Variants in SOX6 observed in about 807,000 individuals in gnomAD.
SOX6 encodes the protein transcription factor SOX-6.
In SOX6, 11 loss-of-function variants were observed where a neutral mutation model predicts 97.8. The ratio of observed to expected loss-of-function variants is 0.11; its 90% CI spans 0.07 to 0.19. The LOEUF (loss-of-function observed/expected upper bound fraction) is 0.19. Among genes scored for constraint, SOX6 ranks in the 10% least tolerant of loss-of-function variants. The pLI, the probability that SOX6 is intolerant of heterozygous loss-of-function variation, is 1.00. For synonymous variants in SOX6, 360 were observed against 371.4 expected (o/e 0.97, Z 0.35); for missense variants, 810 against 1,039.5 (o/e 0.78, Z 3.04).
intron 4 of SOX6, among the ~76,000 whole-genome samples, chr11:16,600,272 C>A (rs1012282808): frequency 6.6e-6 from 1 of 152,194 alleles, no homozygotes; most frequent in Non-Finnish European, 1.5e-5. Flanking sequence ...GCACAGAAAT[C>A]TTTATCTGAT....
intron 6 of SOX6, among the ~76,000 whole-genome samples, chr11:16,120,242 C>CCTCA (rs1564965030): frequency 7.0e-6 from 1 of 142,008 alleles, no homozygotes; most frequent in Non-Finnish European, 1.5e-5. Flanking sequence ...CTCACTCACT[C>CCTCA]CTCTCTCTCT....
At chr11:16,306,814 C>T (rs1457554231) in intron 3 of SOX6, among the ~76,000 whole-genome samples, 5 of 151,780 alleles carry the variant, frequency 3.3e-5, no homozygotes, top group South Asian at 2.1e-4. Flanking sequence ...TTAGTAGAGA[C>T]GGGGTTTCAC....
In SOX6 at chr11:15,976,358, C is replaced by T. The variant is rs187309639; in HGVS notation, c.2184-3246G>A. ...GGCTAATTATTATCACTGACATTGC[C>T]TCTCCTCGTCTATAAATTAGAACAT... On this transcript the variant is annotated intron_variant, in intron 15 of 15. Transcript: ENST00000683767. 2.6e-5 allele frequency among the ~76,000 whole-genome samples: 4 copies of T among 152,298 alleles called. No homozygotes were observed. The East Asian group carries it at 7.7e-4, about 29-fold the overall frequency.
At chr11:16,644,840 C>T (rs190463900) in intron 3 of SOX6, among the ~76,000 whole-genome samples, 30 of 152,220 alleles carry the variant, frequency 2.0e-4, no homozygotes, top group African/African-American at 6.7e-4. Flanking sequence ...GTCTATCAGC[C>T]CACAATATGC....
chr11:16,260,897 T>C (rs1452680774), intron 3 of SOX6, among the ~76,000 whole-genome samples: 1 of 152,150 alleles, frequency 6.6e-6, no homozygotes, highest in Non-Finnish European at 1.5e-5. Flanking sequence ...CACAGTCTTA[T>C]TGTACTGAAA....
chr11:16,093,491 T>C (rs1848734145), intron 9 of SOX6, among the ~76,000 whole-genome samples: 1 of 152,016 alleles, frequency 6.6e-6, no homozygotes, highest in African/African-American at 2.4e-5. Context: ...ATATACCAAA[T>C]GTTGTTAAGA....
intron 4 of SOX6, among the ~76,000 whole-genome samples, chr11:16,210,894 C>A (rs1233288444): frequency 6.6e-6 from 1 of 152,108 alleles, no homozygotes; most frequent in African/African-American, 2.4e-5. Flanking sequence ...TAGAAGAAAA[C>A]AGCTGAGTAG....
intron 6 of SOX6, among the ~76,000 whole-genome samples, chr11:16,158,633 A>C (rs1312222884): frequency 6.6e-6 from 1 of 151,988 alleles, no homozygotes; most frequent in Non-Finnish European, 1.5e-5. Flanking sequence ...TTCCAGGAGT[A>C]ATAAAAAAAT....
At chr11:16,282,466 G>C (rs368395754) in intron 3 of SOX6, among the ~76,000 whole-genome samples, 3 of 151,584 alleles carry the variant, frequency 2.0e-5, no homozygotes, top group East Asian at 3.9e-4. Context: ...ATGTGAAGTA[G>C]AGATTAATAC....
At chr11:16,712,099 A>G (rs1848185839) in intron 3 of SOX6, among the ~76,000 whole-genome samples, 2 of 151,766 alleles carry the variant, frequency 1.3e-5, no homozygotes, top group South Asian at 4.2e-4. Flanking sequence ...ACACACACAC[A>G]CACACACACA....
rs1848032416 is a variant in SOX6, at chr11:16,581,551, C to T, written n.609+30530G>A. ...AGGTGCAGCAAACTACCATGGCATA[C>T]GTATACCTGTGTAACAAACCTGAAG... On this transcript the variant is annotated intron_variant and non_coding_transcript_variant, in intron 4 of 5. Transcript: ENST00000524520. Among the ~76,000 whole-genome samples the T allele has an allele frequency of 2.6e-5, 4 of 152,048 alleles. No individual in the cohort carries two copies. The South Asian group carries it at 8.3e-4, about 32-fold the overall frequency.
At position 16,265,629 on chromosome 11, in the gene SOX6, C is replaced by T. The variant is rs188513243; in HGVS notation, c.446-30958G>A. Among the ~76,000 whole-genome samples, 183 of 151,666 alleles carry T rather than the reference C, an allele frequency of 1.2e-3. 1 individual carries two copies. The highest frequency in any genetic ancestry group is 4.1e-3 in the African/African-American group (170 of 41,378). On this transcript the variant is annotated intron_variant, in intron 3 of 15. Transcript: ENST00000683767. The stretch of plus-strand genomic sequence containing the variant: ...TATCAATCAAATGAAACTGAACTAA[C>T]GATGACAGAGATATTAAAATTAACA...
intron 2 of SOX6, among the ~76,000 whole-genome samples, chr11:16,321,594 C>T (rs1274701237): frequency 1.3e-5 from 2 of 152,010 alleles, no homozygotes; most frequent in Non-Finnish European, 2.9e-5. Flanking sequence ...TGCCATCCTG[C>T]ACCACAGACA....
chr11:16,456,407 C>T (rs1859811338), intron 1 of SOX6, among the ~76,000 whole-genome samples: 1 of 152,052 alleles, frequency 6.6e-6, no homozygotes, highest in Admixed American at 6.6e-5. Context: ...AACATGTTTA[C>T]CAGCATCCTG....
At chr11:16,428,949 T>C (rs920108768) in intron 1 of SOX6, among the ~76,000 whole-genome samples, 4 of 152,218 alleles carry the variant, frequency 2.6e-5, no homozygotes, top group Admixed American at 1.3e-4. Context: ...TAATTCTTCC[T>C]ACACATGAGC....
chr11:16,343,232 T>C (rs561158689), intron 1 of SOX6, among the ~76,000 whole-genome samples: 2 of 152,082 alleles, frequency 1.3e-5, no homozygotes, highest in African/African-American at 2.4e-5. Flanking sequence ...TGATTTCCTA[T>C]TTCAGATACT....
At chr11:16,528,830 C>T (rs1019345304) in intron 4 of SOX6, among the ~76,000 whole-genome samples, 3 of 152,100 alleles carry the variant, frequency 2.0e-5, no homozygotes, top group Admixed American at 6.6e-5. Flanking sequence ...TCTGATTTCA[C>T]AGGCCATAAG....
intron 9 of SOX6, among the ~76,000 whole-genome samples, chr11:16,064,086 C>T (rs1848032183): frequency 6.6e-6 from 1 of 151,730 alleles, no homozygotes; most frequent in Non-Finnish European, 1.5e-5. Flanking sequence ...GAGGTAACAG[C>T]ACCACCAGTC....
intron 3 of SOX6, among the ~76,000 whole-genome samples, chr11:16,695,378 A>T (rs901388831): frequency 6.6e-6 from 1 of 152,262 alleles, no homozygotes; most frequent in African/African-American, 2.4e-5. Context: ...AGCCTAATAG[A>T]GAAGTTAATC....
Sources: gnomAD v4.1 joint callset for allele counts (sites outside exome capture counted in the v4.1 genomes callset) on GRCh38, gnomAD v4.1.1 for gene constraint, MANE v1.5 for transcripts, NCBI Gene and HGNC (gene_info 2026-07-23, HGNC 2026-07-21) for gene names.